The following PAPPA2 variants were observed in gnomAD, a reference collection of about 807,000 sequenced individuals.
PAPPA2 encodes pappalysin-2.
A neutral mutation model predicts 176.4 loss-of-function variants in PAPPA2; 86 were observed. That is an observed-to-expected ratio of 0.49 (90% CI 0.41 to 0.58). The LOEUF (loss-of-function observed/expected upper bound fraction) is 0.58, where lower values mean the gene tolerates loss of function less well. Among genes scored for constraint, PAPPA2 ranks in the 20% least tolerant of loss-of-function variants. The pLI is 0.00. For missense variants in PAPPA2, 2,073 were observed against 2,256.9 expected, an observed-to-expected ratio of 0.92 and a Z score of 1.65; for synonymous variants, 809 against 852.2, an observed-to-expected ratio of 0.95 and a Z score of 0.88.
At chr1:176,631,806 G>C (rs1437333257) in intron 3 of PAPPA2, among the ~76,000 whole-genome samples, 1 of 152,146 alleles carries the variant, frequency 6.6e-6, no homozygotes, top group African/African-American at 2.4e-5. Context: ...TAAGGGTAAA[G>C]GCAGTATTTC....
intron 3 of PAPPA2, among the ~76,000 whole-genome samples, chr1:176,624,980 T>A (rs1357747606): frequency 6.6e-6 from 1 of 152,148 alleles, no homozygotes; most frequent in Non-Finnish European, 1.5e-5. Flanking sequence ...GCACTGAGCC[T>A]TCCGGAGATC....
At chr1:176,601,608 A>G (rs1319493661) in intron 3 of PAPPA2, among the ~76,000 whole-genome samples, 2 of 152,226 alleles carry the variant, frequency 1.3e-5, no homozygotes, top group African/African-American at 4.8e-5. Flanking sequence ...AGGCAGGGCT[A>G]CATAAGCCAG....
intron 21 of PAPPA2, among the ~76,000 whole-genome samples, chr1:176,836,057 C>A (rs1667261167): frequency 6.6e-6 from 1 of 152,000 alleles, no homozygotes; most frequent in African/African-American, 2.4e-5. Context: ...CATTGAAGAG[C>A]CAGAGAAAAA....
At chr1:176,758,267 A>G (rs1043994320) in intron 14 of PAPPA2, among the ~76,000 whole-genome samples, 10 of 152,226 alleles carry the variant, frequency 6.6e-5, no homozygotes, top group African/African-American at 2.4e-4. Context: ...TGGTCCTCCC[A>G]AGAAGGAAAT....
At chr1:176,792,929 G>A (rs1047072293) in intron 19 of PAPPA2, among the ~76,000 whole-genome samples, 2 of 152,116 alleles carry the variant, frequency 1.3e-5, no homozygotes, top group African/African-American at 4.8e-5. Context: ...ACCAACACAT[G>A]CCCAAAGTCT....
intron 3 of PAPPA2, among the ~76,000 whole-genome samples, chr1:176,647,405 T>C (rs1657459546): frequency 6.6e-6 from 1 of 151,790 alleles, no homozygotes; most frequent in South Asian, 2.1e-4. Context: ...ATGCAGAAGC[T>C]TTTTCACTTG....
rs1396094505 is a variant in PAPPA2, at chr1:176,634,799, G to GAGAGAGATAGAT, written c.1992-36168_1992-36167insGAGATAGATAGA. On this transcript the variant is annotated intron_variant, in intron 3 of 22. Coordinates refer to ENST00000367662, the MANE Select transcript of PAPPA2 (RefSeq NM_020318.3). ...GGTGTAGTTAAAATTTCCAAGGAGA[G>GAGAGAGATAGAT]AGATAGATAGATAGATAGATAGATA... 3.6e-3 allele frequency among the ~76,000 whole-genome samples: 428 copies of GAGAGAGATAGAT among 120,202 alleles called. 1 individual carries two copies. The highest frequency in any genetic ancestry group is 0.013 in the African/African-American group (383 of 29,766). 78.9% of individuals were successfully genotyped at this position (120,202 alleles called of 152,430 possible).
intron 17 of PAPPA2, among the ~76,000 whole-genome samples, chr1:176,786,716 G>A (rs1557870900): frequency 6.6e-6 from 1 of 152,182 alleles, no homozygotes; most frequent in Non-Finnish European, 1.5e-5. Flanking sequence ...GCAAACCTGG[G>A]TCTGCATCCT....
intron 3 of PAPPA2, among the ~76,000 whole-genome samples, chr1:176,609,591 A>G (rs989835304): frequency 2.0e-5 from 3 of 152,244 alleles, no homozygotes; most frequent in Admixed American, 2.0e-4. Flanking sequence ...TATTCCAGGC[A>G]GAGGGAACAG....
At chr1:176,789,427 A>G (rs1665080697) in intron 17 of PAPPA2, among the ~76,000 whole-genome samples, 1 of 152,098 alleles carries the variant, frequency 6.6e-6, no homozygotes, top group East Asian at 1.9e-4. Context: ...GGGGAGGGAT[A>G]GCATTAGGAG....
intron 21 of PAPPA2, among the ~76,000 whole-genome samples, chr1:176,818,156 G>A (rs965517934): frequency 1.3e-5 from 2 of 152,178 alleles, no homozygotes; most frequent in African/African-American, 4.8e-5. Context: ...CAAGAAGTGA[G>A]ATGGCAGTAA....
At chr1:176,806,453 T>A (rs1441408491) in intron 21 of PAPPA2, among the ~76,000 whole-genome samples, 3 of 152,116 alleles carry the variant, frequency 2.0e-5, no homozygotes, top group Admixed American at 6.6e-5. Flanking sequence ...TTCTGTGAAG[T>A]TGCATAGTGG....
chr1:176,749,427 A>T (rs1016562781), intron 14 of PAPPA2, among the ~76,000 whole-genome samples: 1 of 152,228 alleles, frequency 6.6e-6, no homozygotes, highest in Non-Finnish European at 1.5e-5. Context: ...GTTACAACTG[A>T]TGAACCTACG....
intron 12 of PAPPA2, among the ~76,000 whole-genome samples, chr1:176,724,942 A>G (rs914000104): frequency 9.2e-5 from 14 of 152,194 alleles, no homozygotes; most frequent in Non-Finnish European, 4.4e-5. Context: ...TACAGATAGG[A>G]TTAAAATTGA....
intron 3 of PAPPA2, among the ~76,000 whole-genome samples, chr1:176,643,780 C>T (rs1657235445): frequency 6.6e-6 from 1 of 151,852 alleles, no homozygotes; most frequent in South Asian, 2.1e-4. Flanking sequence ...AAACGATCCT[C>T]AGATGGCTTC....
chr1:176,716,801 C>T lies in PAPPA2; in HGVS notation c.3798+4820C>T, dbSNP rs368130028. On this transcript the variant is annotated intron_variant, in intron 12 of 22. Transcript: ENST00000367662. ...TAATTTTTTGTATTTTTAGTAGAGACGGGGTTTCACCGTGTTAGCCAGGAT... is the reference window on the plus strand; with the variant it reads ...TAATTTTTTGTATTTTTAGTAGAGATGGGGTTTCACCGTGTTAGCCAGGAT... Among the ~76,000 whole-genome samples, 59 of 151,396 alleles carry T rather than the reference C, an allele frequency of 3.9e-4. 2 individuals carry two copies. In the East Asian group the frequency reaches 6.3e-3, roughly 16 times the overall value.
intron 3 of PAPPA2, among the ~76,000 whole-genome samples, chr1:176,602,375 T>A (rs772515535): frequency 1.3e-5 from 2 of 152,144 alleles, no homozygotes; most frequent in Non-Finnish European, 2.9e-5. Flanking sequence ...AGTCTGCAGG[T>A]ATACAATAGA....
rs1347202674 is a variant in PAPPA2, at chr1:176,555,693, A to T, written c.-630A>T. ...TTTTGTGCCCCTAGATTATTTTTGCATTTTAAAATAAGAAGCATCAAATTG... is the reference window on the plus strand; with the variant it reads ...TTTTGTGCCCCTAGATTATTTTTGCTTTTTAAAATAAGAAGCATCAAATTG... On this transcript the variant is annotated 5_prime_UTR_variant, in exon 2 of 23. Coordinates refer to ENST00000367662, the MANE Select transcript of PAPPA2 (RefSeq NM_020318.3). 2 of 152,370 alleles carry T rather than the reference A, an allele frequency of 1.3e-5. No individual in the cohort carries two copies. The highest frequency in any genetic ancestry group is 4.1e-4 in the South Asian group (2 of 4,828). The allele number at this position is 152,370 out of a possible 1,614,324, so 9.4% of individuals were successfully genotyped here.
intron 21 of PAPPA2, among the ~76,000 whole-genome samples, chr1:176,822,738 A>C (rs1489564630): frequency 6.6e-6 from 1 of 152,148 alleles, no homozygotes; most frequent in Non-Finnish European, 1.5e-5. Context: ...CATTGTCTTA[A>C]CTTCAGTCTT....
Sources: gnomAD v4.1 joint callset for allele counts (sites outside exome capture counted in the v4.1 genomes callset) on GRCh38, gnomAD v4.1.1 for gene constraint, MANE v1.5 for transcripts, NCBI Gene and HGNC (gene_info 2026-07-23, HGNC 2026-07-21) for gene names.